The following CCDC125 variants were observed in gnomAD, a reference collection of about 807,000 sequenced individuals.
CCDC125 encodes coiled-coil domain-containing protein 125.
CCDC125 carries 43 observed loss-of-function variants against 57.4 expected under a neutral mutation model. The ratio of observed to expected loss-of-function variants is 0.75; its 90% CI spans 0.59 to 0.97. CCDC125 has a LOEUF of 0.97. Among genes scored for constraint, CCDC125 ranks in the 50% least tolerant of loss-of-function variants. CCDC125 has a pLI of 0.00. For synonymous variants in CCDC125, 187 were observed against 195.2 expected (o/e 0.96, Z 0.35); for missense variants, 563 against 595.7 (o/e 0.95, Z 0.57).
intron 3 of CCDC125, 63 bp downstream of exon 3, chr5:69,313,922 G>T: frequency 8.6e-7 from 1 of 1,164,760 alleles, no homozygotes; most frequent in Non-Finnish European, 1.3e-6. Flanking sequence ...GAAGACGAGA[G>T]CACTGCAGCC....
Position 69,282,855 on chromosome 5 carries a change from A to T in CCDC125, c.1410T>A (p.Pro470=), listed in dbSNP as rs903479845. Residue 470 remains proline, a synonymous_variant, in exon 12 of 12, where the codon CCT becomes CCA. Transcript: ENST00000396496. The part of the protein sequence containing the change: ...KTSEFSVLGD[P]IHSSVCILNS... ...TTAAAATGCAGACACTTGAATGTAT[A>T]GGATCACCCAAAACAGAGAATTCTG... The T allele has an allele frequency of 1.9e-6, 3 of 1,614,140 alleles. No homozygotes were observed. The Admixed American group carries it at 5.0e-5, about 27-fold the overall frequency.
At chr5:69,297,304 G>A (rs1419573697) in intron 8 of CCDC125, among the ~76,000 whole-genome samples, 2 of 151,590 alleles carry the variant, frequency 1.3e-5, no homozygotes, top group South Asian at 2.1e-4. Flanking sequence ...GCATCCCAAA[G>A]CGCTGGGATT....
chr5:69,292,693 G>A (rs1233447472), intron 9 of CCDC125, among the ~76,000 whole-genome samples: 1 of 152,084 alleles, frequency 6.6e-6, no homozygotes, highest in Non-Finnish European at 1.5e-5. Flanking sequence ...GGATACCAAA[G>A]GCTGCATTTC....
chr5:69,299,141 G>A (rs1390993737), intron 8 of CCDC125, among the ~76,000 whole-genome samples: 6 of 143,176 alleles, frequency 4.2e-5, no homozygotes, highest in Admixed American at 7.3e-5. Flanking sequence ...ACGGAGTCTC[G>A]CTCTTTCGCC....
chr5:69,279,358 A>C (rs971220586), downstream of CCDC125, among the ~76,000 whole-genome samples: 2 of 151,794 alleles, frequency 1.3e-5, no homozygotes, highest in African/African-American at 4.8e-5. Context: ...CACCACGCCC[A>C]GCTAATATTT....
At chr5:69,300,156 A>C in intron 7 of CCDC125, 29 bp from the exon 8 acceptor site, 1 of 1,521,468 alleles carries the variant, frequency 6.6e-7, no homozygotes, top group Admixed American at 1.7e-5. Flanking sequence ...GAAAGTATTC[A>C]TTATGAAGCC....
chr5:69,287,030 CAAAG>C (rs1226758009), intron 10 of CCDC125, among the ~76,000 whole-genome samples: 6 of 133,386 alleles, frequency 4.5e-5, no homozygotes, highest in Admixed American at 2.9e-4. Context: ...AGCAAAAATA[CAAAG>C]AAAGAAAGAA....
downstream of CCDC125, among the ~76,000 whole-genome samples, chr5:69,279,080 A>G (rs1477831029): frequency 6.6e-6 from 1 of 151,844 alleles, no homozygotes; most frequent in East Asian, 1.9e-4. Flanking sequence ...TAGGCCATAT[A>G]TCTGGCTCAG....
intron 8 of CCDC125, among the ~76,000 whole-genome samples, chr5:69,297,557 C>T (rs1356209148): frequency 2.0e-5 from 3 of 151,822 alleles, no homozygotes; most frequent in Non-Finnish European, 2.9e-5. Context: ...AGGGTTTCTC[C>T]GTGTTGGTCA....
At chr5:69,322,119 G>A (rs1429670820) in intron 1 of CCDC125, among the ~76,000 whole-genome samples, 1 of 151,868 alleles carries the variant, frequency 6.6e-6, no homozygotes, top group East Asian at 1.9e-4. Flanking sequence ...AGGATTACAG[G>A]CATGAGCCAC....
At chr5:69,294,975 A>G in intron 8 of CCDC125, 75 bp from the exon 9 acceptor site, 1 of 1,240,738 alleles carries the variant, frequency 8.1e-7, no homozygotes, top group Non-Finnish European at 1.2e-6. Flanking sequence ...AGGGGCATTT[A>G]CACACATACC....
downstream of CCDC125, chr5:69,277,345 A>C (rs1195685950): frequency 2.4e-6 from 1 of 420,120 alleles, no homozygotes; most frequent in Non-Finnish European, 4.3e-6. Flanking sequence ...AAAAGTGAGA[A>C]AAGTTCAATA....
intron 10 of CCDC125, among the ~76,000 whole-genome samples, chr5:69,291,634 C>T (rs11742461): frequency 0.5 from 75,829 of 152,042 alleles, 19,526 homozygotes; most frequent in Middle Eastern, 0.56. Context: ...GGATTACAGG[C>T]GTGAGCCACC....
At chr5:69,287,575 G>T (rs903349611) in intron 10 of CCDC125, among the ~76,000 whole-genome samples, 12 of 143,012 alleles carry the variant, frequency 8.4e-5, no homozygotes, top group East Asian at 4.0e-4. Context: ...GTTTTTGGTG[G>T]TTTTTTTTTT....
chr5:69,320,691 T>C (rs909200796), intron 1 of CCDC125, 111 bp from the exon 2 acceptor site: 4 of 617,238 alleles, frequency 6.5e-6, no homozygotes, highest in South Asian at 2.0e-5. Flanking sequence ...ATGTCTACAT[T>C]CCCATGTTTG....
intron 1 of CCDC125, among the ~76,000 whole-genome samples, chr5:69,331,092 C>T (rs1387631312): frequency 6.6e-6 from 1 of 151,976 alleles, no homozygotes; most frequent in Non-Finnish European, 1.5e-5. Flanking sequence ...CACCTGAGGT[C>T]AGGAGTTTGT....
intron 10 of CCDC125, among the ~76,000 whole-genome samples, chr5:69,291,685 C>T (rs1754491975): frequency 6.6e-6 from 1 of 152,132 alleles, no homozygotes; most frequent in African/African-American, 2.4e-5. Context: ...GTTCGTGAAC[C>T]AAAACCTAAA....
chr5:69,314,574 ACT>A (rs1191414787), intron 2 of CCDC125, among the ~76,000 whole-genome samples: 2 of 152,072 alleles, frequency 1.3e-5, no homozygotes, highest in Non-Finnish European at 2.9e-5. Flanking sequence ...TTTTGAATAG[ACT>A]CTAAGGCTCG....
At chr5:69,279,765 G>T (rs1752378223), downstream of CCDC125, among the ~76,000 whole-genome samples, 1 of 152,090 alleles carries the variant, frequency 6.6e-6, no homozygotes, top group Non-Finnish European at 1.5e-5. Flanking sequence ...AGGGATCTGA[G>T]GACACTCAAA....
Sources: allele counts gnomAD v4.1 joint callset (sites outside exome capture counted in the v4.1 genomes callset), GRCh38; gene constraint gnomAD v4.1.1; transcripts MANE v1.5; gene names NCBI Gene and HGNC (gene_info 2026-07-23, HGNC 2026-07-21).